MYH6: variants seen among roughly 807,000 people sequenced by gnomAD.
MYH6 encodes myosin heavy chain 6.
A neutral mutation model predicts 223.2 loss-of-function variants in MYH6; 126 were observed. The observed-to-expected ratio is 0.56, with a 90% CI of 0.49 to 0.65. The LOEUF (loss-of-function observed/expected upper bound fraction) is 0.65. Ranked by LOEUF, MYH6 falls within the 30% of genes least tolerant of loss-of-function variation. The pLI is 0.00. For synonymous variants in MYH6, 978 were observed against 1,010.2 expected, an observed-to-expected ratio of 0.97 and a Z score of 0.61; for missense variants, 2,040 against 2,536.4, an observed-to-expected ratio of 0.80 and a Z score of 4.20.
Position 23,389,103 on chromosome 14 carries a change from C to T in MYH6, c.3979-48G>A, listed in dbSNP as rs776380145. 16 of 1,548,506 alleles carry T rather than the reference C, an allele frequency of 1.0e-5. No homozygotes were observed. In the Admixed American group the frequency reaches 2.0e-4, roughly 20 times the overall value. On this transcript the variant is annotated intron_variant, in intron 28 of 38. Coordinates refer to ENST00000405093, the MANE Select transcript of MYH6 (RefSeq NM_002471.4). ...GGAGGTGGGAGGGACTCCCTGTGCC[C>T]CATTCTCTAGATTCTCTTCTTATGT... is the stretch of plus-strand genomic sequence containing the variant.
At chr14:23,403,248 T>G (rs1244502357) in intron 10 of MYH6, 100 bp downstream of exon 10, 1 of 976,888 alleles carries the variant, frequency 1.0e-6, no homozygotes, top group Non-Finnish European at 1.7e-6. Context: ...AGCAGCAAGG[T>G]GGGGCACAGT....
At chr14:23,393,981 T>A in intron 21 of MYH6, 73 bp from the exon 22 acceptor site, 2 of 1,613,790 alleles carry the variant, frequency 1.2e-6, no homozygotes, top group East Asian at 2.2e-5. Flanking sequence ...GAGCTGGCAC[T>A]CCTAGACTCC....
intron 14 of MYH6, chr14:23,399,923 G>A (rs1177600124): frequency 2.6e-6 from 1 of 385,126 alleles, no homozygotes; most frequent in Non-Finnish European, 4.9e-6. Flanking sequence ...AAGGTGGTGG[G>A]AGGCCAAACA....
intron 38 of MYH6, 140 bp downstream of exon 38, chr14:23,382,288 G>T: frequency 7.4e-7 from 1 of 1,355,174 alleles, no homozygotes; most frequent in Non-Finnish European, 1.0e-6. Context: ...GAGCAGGAGA[G>T]TGGATTCTCA....
In MYH6 at chr14:23,383,339, G is replaced by GGGGGGGGGGGGGGCCCCCCCCCCC; in HGVS notation, c.5566-20_5566-19insGGGGGGGGGGGCCCCCCCCCCCCC. 1.8e-5 allele frequency: 2 copies of GGGGGGGGGGGGGGCCCCCCCCCCC among 108,180 alleles called. No individual in the cohort carries two copies. Among genetic ancestry groups the GGGGGGGGGGGGGGCCCCCCCCCCC allele is most frequent in the East Asian group, 2.3e-4 (1 of 4,406 alleles). 6.7% of individuals were successfully genotyped at this position (108,180 alleles called of 1,614,324 possible). On this transcript the variant is annotated intron_variant, in intron 36 of 38. Coordinates refer to ENST00000405093, the MANE Select transcript of MYH6 (RefSeq NM_002471.4). ...CCTCTGTCTGGGGGTGGGAGGGTGGGAGAAGCTGGTTTGGAGGGGGAGCAA... is the reference window on the plus strand; with the variant it reads ...CCTCTGTCTGGGGGTGGGAGGGTGGGGGGGGGGGGGGGGCCCCCCCCCCCAGAAGCTGGTTTGGAGGGGGAGCAA...
Position 23,398,718 on chromosome 14 carries a change from G to A in MYH6, c.1891+10C>T, listed in dbSNP as rs1429667539. On this transcript the variant is annotated intron_variant, in intron 15 of 38. Transcript: ENST00000405093. ...AGTCCCCTGGCCCAGTGCAGGGGCT[G>A]CCTGCTTACCAGTATCGGCAGTTGC... 1 of 1,614,054 alleles carries A rather than the reference G, an allele frequency of 6.2e-7. No homozygotes were observed. Among genetic ancestry groups the A allele is most frequent in the Non-Finnish European group, 8.5e-7 (1 of 1,179,898 alleles).
At chr14:23,401,031 G>A (rs367923441) in intron 12 of MYH6, 54 bp from the exon 13 acceptor site, 8 of 1,581,476 alleles carry the variant, frequency 5.1e-6, no homozygotes, top group East Asian at 4.6e-5. Flanking sequence ...TTTTAAGATA[G>A]AGGCTTGCTC....
rs746844081 is a variant in MYH6, at chr14:23,393,370, T to G, written c.3077A>C (p.Lys1026Thr). The change falls in exon 23 of 39, where the codon AAG becomes ACG. Residue 1026 changes from lysine (K) to threonine (T), a missense_variant. By Grantham distance (78) the Lys-to-Thr change is moderately conservative. Transcript: ENST00000405093. ...EDKVNSLSKS[K>T]VKLEQQVDDL... ...ATCCACCTGCTGCTCCAGCTTGACC[T>G]TAGACTTGGACAGGCTGTTGACCTT... 8.1e-6 allele frequency: 13 copies of G among 1,614,094 alleles called. No individual in the cohort carries two copies. The highest frequency in any genetic ancestry group is 1.1e-5 in the Non-Finnish European group (13 of 1,180,050).
At position 23,383,339 on chromosome 14, in the gene MYH6, G is replaced by GGGGGGGGGGGGGGGA; in HGVS notation, c.5566-20_5566-19insTCCCCCCCCCCCCCC. ...CCTCTGTCTGGGGGTGGGAGGGTGG[G>GGGGGGGGGGGGGGGA]AGAAGCTGGTTTGGAGGGGGAGCAA... is the stretch of plus-strand genomic sequence containing the variant. On this transcript the variant is annotated intron_variant, in intron 36 of 38. Transcript: ENST00000405093. 1 of 108,198 alleles carries GGGGGGGGGGGGGGGA rather than the reference G, an allele frequency of 9.2e-6. No homozygotes were observed. Among genetic ancestry groups the GGGGGGGGGGGGGGGA allele is most frequent in the Non-Finnish European group, 1.8e-5 (1 of 54,384 alleles). The allele number at this position is 108,198 out of a possible 1,614,324, so 6.7% of individuals were successfully genotyped here. A position where few individuals can be genotyped will look rare whatever the true frequency, so the allele number is the denominator to read the frequency against.
rs1457877609 is a variant in MYH6 at position 23,387,865 on chromosome 14, T to C, written c.4418A>G (p.Gln1473Arg). ...EESQSELESS[Q>R]KEARSLSTEL... ...TGTGCTGAGGGAGCGAGCCTCCTTC[T>C]GTGAGGACTCCAGCTCAGACTGCGA... The change falls in exon 31 of 39, where the codon CAG becomes CGG. Residue 1473 changes from glutamine to arginine, a missense_variant. Gln to Arg is a conservative substitution (Grantham distance 43). Coordinates refer to ENST00000405093, the MANE Select transcript of MYH6 (RefSeq NM_002471.4). 2 of 1,614,018 alleles carry C rather than the reference T, an allele frequency of 1.2e-6. No individual in the cohort carries two copies. Among genetic ancestry groups the C allele is most frequent in the Non-Finnish European group, 1.7e-6 (2 of 1,180,036 alleles).
At chr14:23,383,667 T>C (rs1348186119) in intron 36 of MYH6, among the ~76,000 whole-genome samples, 1 of 152,182 alleles carries the variant, frequency 6.6e-6, no homozygotes, top group Non-Finnish European at 1.5e-5. Flanking sequence ...CTTACATAGG[T>C]TCTCTTGGCC....
intron 32 of MYH6, among the ~76,000 whole-genome samples, chr14:23,386,926 A>T (rs1201636757): frequency 1.3e-5 from 2 of 152,172 alleles, no homozygotes; most frequent in Non-Finnish European, 2.9e-5. Flanking sequence ...AATTTTTATA[A>T]CCACAAATAC....
chr14:23,407,352 G>T lies in MYH6; in HGVS notation c.-13-116C>A, dbSNP rs536889108. On this transcript the variant is annotated intron_variant, in intron 2 of 38. Transcript: ENST00000405093. This position sits in a 1 kb window ranked among gnomAD's most constrained non-coding sequence, Gnocchi z 5.6. ...CGCTCCTCTCCTCCACCCTGGGAGA[G>T]GCACCTGCTGTTGCACCCTCCCCTA... is the stretch of plus-strand genomic sequence containing the variant. 1.2e-5 allele frequency: 16 copies of T among 1,288,310 alleles called. No individual in the cohort carries two copies. In the East Asian group the frequency reaches 3.1e-4, roughly 25 times the overall value. The allele number at this position is 1,288,310 out of a possible 1,614,324, so 79.8% of individuals were successfully genotyped here. A position where few individuals can be genotyped will look rare whatever the true frequency, so the allele number is the denominator to read the frequency against.
Position 23,386,502 on chromosome 14 carries a change from T to C in MYH6, c.4772A>G (p.Asn1591Ser), listed in dbSNP as rs200751434. ...CAGCGAGTCCACCACCCGCTGGTGG[T>C]TGCGCTTGGCCTGTTCCATCTCCTC... ...KDEEMEQAKR[N>S]HQRVVDSLQT... The change falls in exon 33 of 39, where the codon AAC (asparagine) becomes AGC (serine). Residue 1591 changes from asparagine to serine, a missense_variant. Physicochemically the swap from Asn to Ser is conservative, Grantham distance 46. Around this residue, in one of 4 missense-constraint regions of MYH6, gnomAD observed 1,203 missense variants for 1,400.2 expected, o/e 0.86. Transcript: ENST00000405093. 5.4e-5 allele frequency: 87 copies of C among 1,614,184 alleles called. No individual in the cohort carries two copies. The highest frequency in any genetic ancestry group is 3.8e-4 in the Admixed American group (23 of 60,032).
chr14:23,383,339 G>GGGGGGGGGGCCCCCCCCC lies in MYH6; in HGVS notation c.5566-20_5566-19insGGGGGGGGGCCCCCCCCC. ...CCTCTGTCTGGGGGTGGGAGGGTGG[G>GGGGGGGGGGCCCCCCCCC]AGAAGCTGGTTTGGAGGGGGAGCAA... On this transcript the variant is annotated intron_variant, in intron 36 of 38. Coordinates refer to ENST00000405093, the MANE Select transcript of MYH6 (RefSeq NM_002471.4). 1 of 108,136 alleles carries GGGGGGGGGGCCCCCCCCC rather than the reference G, an allele frequency of 9.2e-6. No individual in the cohort carries two copies. 6.7% of individuals were successfully genotyped at this position (108,136 alleles called of 1,614,324 possible).
At position 23,408,233 on chromosome 14, in the gene MYH6, C is replaced by T. The variant is rs1891847202; in HGVS notation, c.-47+20G>A. 3 of 985,350 alleles carry T rather than the reference C, an allele frequency of 3.0e-6. No individual in the cohort carries two copies. Among genetic ancestry groups the T allele is most frequent in the African/African-American group, 1.7e-5 (1 of 57,230 alleles). The allele number at this position is 985,350 out of a possible 1,614,324, so 61.0% of individuals were successfully genotyped here. On this transcript the variant is annotated intron_variant, in intron 1 of 38. Coordinates refer to ENST00000405093, the MANE Select transcript of MYH6 (RefSeq NM_002471.4). ...TCTGTGGACGGGCTGCAGGGCATCC[C>T]ACCCCAAACCTCCTCTTACCTGGGC...
At chr14:23,400,014 A>G (rs561847815) in intron 14 of MYH6, 25 of 593,752 alleles carry the variant, frequency 4.2e-5, no homozygotes, top group African/African-American at 3.9e-4. Flanking sequence ...CTCCTTCACT[A>G]CATCTCACTC....
At chr14:23,386,208 G>A in intron 33 of MYH6, 77 bp from the exon 34 acceptor site, 1 of 1,612,070 alleles carries the variant, frequency 6.2e-7, no homozygotes, top group Non-Finnish European at 8.5e-7. Context: ...AGAGGTCCCT[G>A]CAGTAACCCA....
intron 20 of MYH6, 75 bp from the exon 21 acceptor site, chr14:23,394,398 T>C (rs773328427): frequency 1.9e-6 from 3 of 1,590,014 alleles, no homozygotes; most frequent in Non-Finnish European, 2.6e-6. Flanking sequence ...ACTAAGCAAG[T>C]TCGTAGGCAC....
Sources: gnomAD v4.1 joint callset for allele counts (sites outside exome capture counted in the v4.1 genomes callset) on GRCh38, gnomAD v4.1.1 for gene constraint, gnomAD v4.1.1 regional missense constraint, Gnocchi (gnomAD v3.1) non-coding constraint, MANE v1.5 for transcripts, NCBI Gene and HGNC (gene_info 2026-07-23, HGNC 2026-07-21) for gene names.